Variants in SHISA6 observed in about 807,000 individuals in gnomAD.
The protein encoded by SHISA6 is protein shisa-6.
In SHISA6, 22 loss-of-function variants were observed where a neutral mutation model predicts 47.9. The ratio of observed to expected loss-of-function variants is 0.46; its 90% confidence interval spans 0.33 to 0.66. The LOEUF (loss-of-function observed/expected upper bound fraction) is 0.66. SHISA6 is among the 30% of genes least tolerant of loss of function. SHISA6 has a pLI of 0.02. For synonymous variants in SHISA6, 388 were observed against 337.8 expected, an observed-to-expected ratio of 1.15 and a Z score of -1.63; for missense variants, 680 against 764.6, an observed-to-expected ratio of 0.89 and a Z score of 1.30.
At chr17:11,294,472 A>G (rs1909669029) in intron 2 of SHISA6, among the ~76,000 whole-genome samples, 2 of 152,206 alleles carry the variant, frequency 1.3e-5, no homozygotes, top group Non-Finnish European at 2.9e-5. Flanking sequence ...ACCCAAGAAG[A>G]CAGTGGCATG....
At chr17:11,248,072 C>T (rs537318654) in intron 1 of SHISA6, among the ~76,000 whole-genome samples, 1 of 152,212 alleles carries the variant, frequency 6.6e-6, no homozygotes, top group East Asian at 1.9e-4. Flanking sequence ...CGGAGCCTGG[C>T]CTCTAGTGTC....
chr17:11,431,269 A>G (rs994092692), intron 3 of SHISA6, among the ~76,000 whole-genome samples: 4 of 152,146 alleles, frequency 2.6e-5, no homozygotes, highest in Non-Finnish European at 4.4e-5. Flanking sequence ...CTAGGTGGAT[A>G]CAGTCCCCTT....
intron 3 of SHISA6, among the ~76,000 whole-genome samples, chr17:11,398,958 T>G (rs1472732814): frequency 3.9e-5 from 2 of 51,558 alleles, no homozygotes; most frequent in Admixed American, 1.4e-4. Flanking sequence ...ACCTAGGTTA[T>G]TTTTTTTTTT....
chr17:11,436,808 A>C (rs931561748), intron 3 of SHISA6, among the ~76,000 whole-genome samples: 2 of 152,206 alleles, frequency 1.3e-5, no homozygotes, highest in Admixed American at 1.3e-4. Flanking sequence ...AGACTTTTGA[A>C]GAGCCTAATA....
chr17:11,247,040 G>A (rs1260491182), intron 1 of SHISA6, among the ~76,000 whole-genome samples: 3 of 152,062 alleles, frequency 2.0e-5, no homozygotes, highest in Non-Finnish European at 2.9e-5. Flanking sequence ...TCTGGGAATC[G>A]ACTGCTAAGG....
chr17:11,293,612 T>C (rs1390674030), intron 2 of SHISA6, among the ~76,000 whole-genome samples: 2 of 151,916 alleles, frequency 1.3e-5, no homozygotes, highest in Non-Finnish European at 1.5e-5. Flanking sequence ...AATTCCCAAA[T>C]GGGAGGAGGC....
intron 2 of SHISA6, among the ~76,000 whole-genome samples, chr17:11,315,135 C>G (rs1179384233): frequency 6.6e-6 from 1 of 152,098 alleles, no homozygotes; most frequent in East Asian, 1.9e-4. Flanking sequence ...CTTCTTGTCC[C>G]TTTGGCAAAA....
At chr17:11,341,572 T>C (rs188083351) in intron 2 of SHISA6, among the ~76,000 whole-genome samples, 8 of 152,098 alleles carry the variant, frequency 5.3e-5, no homozygotes, top group Admixed American at 4.6e-4. Context: ...TGGCCTCAAG[T>C]GATCTCCCGC....
intron 3 of SHISA6, among the ~76,000 whole-genome samples, chr17:11,469,489 G>T (rs1915887854): frequency 6.6e-6 from 1 of 152,210 alleles, no homozygotes; most frequent in South Asian, 2.1e-4. Context: ...ATAAGTTCCT[G>T]TTGTTTTATG....
chr17:11,244,059 C>G (rs1332899012), intron 1 of SHISA6, among the ~76,000 whole-genome samples: 1 of 152,186 alleles, frequency 6.6e-6, no homozygotes, highest in Non-Finnish European at 1.5e-5. Flanking sequence ...TTCTCCCCTT[C>G]CCACCACCCT....
intron 4 of SHISA6, among the ~76,000 whole-genome samples, chr17:11,553,335 G>A (rs1414600945): frequency 6.6e-6 from 1 of 152,166 alleles, no homozygotes; most frequent in Non-Finnish European, 1.5e-5. Flanking sequence ...GCCTCAGGAA[G>A]AGCCAGAAAA....
At chr17:11,331,255 A>G (rs1911099381) in intron 2 of SHISA6, among the ~76,000 whole-genome samples, 1 of 152,184 alleles carries the variant, frequency 6.6e-6, no homozygotes, top group Non-Finnish European at 1.5e-5. Flanking sequence ...TGAACATAAG[A>G]CATTCCTTTG....
intron 2 of SHISA6, among the ~76,000 whole-genome samples, chr17:11,356,761 G>C (rs1912091901): frequency 6.6e-6 from 1 of 152,110 alleles, no homozygotes; most frequent in Admixed American, 6.6e-5. Context: ...CAAAGTCTCT[G>C]CTGGCTGAGT....
chr17:11,410,847 C>T (rs1316279296), intron 3 of SHISA6, among the ~76,000 whole-genome samples: 1 of 152,234 alleles, frequency 6.6e-6, no homozygotes, highest in Non-Finnish European at 1.5e-5. Context: ...GAAAATGTGT[C>T]TTAACAGCTC....
In SHISA6 at chr17:11,269,054, T is replaced by G. The variant is rs574278935; in HGVS notation, c.799+5528T>G. On this transcript the variant is annotated intron_variant, in intron 2 of 5. Transcript: ENST00000441885. Reference sequence around the variant, plus strand: ...TTTTTTTGTTTGTCTGTTTTGTTTTTTTTTTTTAATGGAGTCTTGCCCTGT... The same window carrying G: ...TTTTTTTGTTTGTCTGTTTTGTTTTGTTTTTTTAATGGAGTCTTGCCCTGT... Among the ~76,000 whole-genome samples, 164 of 151,118 alleles carry G rather than the reference T, an allele frequency of 1.1e-3. 1 individual carries two copies. Among genetic ancestry groups the G allele is most frequent in the Non-Finnish European group, 2.1e-3 (142 of 67,936 alleles).
intron 2 of SHISA6, among the ~76,000 whole-genome samples, chr17:11,281,779 A>G (rs1450535603): frequency 1.3e-5 from 2 of 152,204 alleles, no homozygotes; most frequent in Non-Finnish European, 2.9e-5. Context: ...ATTTTAAACT[A>G]CAAGTTCAAT....
At chr17:11,332,429 C>CTT (rs999342591) in intron 2 of SHISA6, among the ~76,000 whole-genome samples, 1 of 152,182 alleles carries the variant, frequency 6.6e-6, no homozygotes, top group African/African-American at 2.4e-5. Context: ...TAAGAATAAA[C>CTT]ATGCACTGTA....
At chr17:11,309,454 G>C (rs1327352087) in intron 2 of SHISA6, among the ~76,000 whole-genome samples, 1 of 152,202 alleles carries the variant, frequency 6.6e-6, no homozygotes, top group East Asian at 1.9e-4. Flanking sequence ...TGACCAATCT[G>C]TTGTGTTTCT....
chr17:11,290,115 T>G (rs1483916471), intron 2 of SHISA6: 2 of 152,180 alleles, frequency 1.3e-5, no homozygotes, highest in African/African-American at 4.8e-5. Flanking sequence ...TCAATTGGAT[T>G]GGCTCTTTGT....
Sources: gnomAD v4.1 joint callset for allele counts (sites outside exome capture counted in the v4.1 genomes callset) on GRCh38, gnomAD v4.1.1 for gene constraint, MANE v1.5 for transcripts, NCBI Gene and HGNC (gene_info 2026-07-23, HGNC 2026-07-21) for gene names.